The following QTMAN variants were observed in gnomAD, a reference collection of about 807,000 sequenced individuals.
QTMAN encodes queuosine-tRNA mannosyltransferase, also known as tRNA-queuosine alpha-mannosyltransferase.
the QTMAN span, among the ~76,000 whole-genome samples, chr2:144,089,530 C>T: frequency 5.2e-3 from 786 of 151,848 alleles, 2 homozygotes; most frequent in Admixed American, 9.0e-3. Flanking sequence ...GGCAAAGATA[C>T]GGAGTCAACT....
chr2:144,204,307 AC>A, the QTMAN span, among the ~76,000 whole-genome samples: 1 of 152,216 alleles, frequency 6.6e-6, no homozygotes, highest in Non-Finnish European at 1.5e-5. Flanking sequence ...CAAGAAAAAA[AC>A]AACCCCATCA....
the QTMAN span, among the ~76,000 whole-genome samples, chr2:144,092,112 T>C: frequency 6.6e-6 from 1 of 152,152 alleles, no homozygotes. Context: ...GATATGTTCA[T>C]TATCTTGTCT....
the QTMAN span, among the ~76,000 whole-genome samples, chr2:144,103,386 A>G: frequency 6.6e-6 from 1 of 152,246 alleles, no homozygotes; most frequent in East Asian, 1.9e-4. Flanking sequence ...CATTCATGCA[A>G]CAAATAATTC....
chr2:144,267,113 T>C, the QTMAN span, among the ~76,000 whole-genome samples: 2 of 152,190 alleles, frequency 1.3e-5, no homozygotes, highest in African/African-American at 2.4e-5. Context: ...TATTCTAAGA[T>C]GAAAGTGCAG....
chr2:144,253,665 C>T, the QTMAN span, among the ~76,000 whole-genome samples: 1 of 151,620 alleles, frequency 6.6e-6, no homozygotes, highest in South Asian at 2.1e-4. Context: ...GTGAGATGAT[C>T]TGGGTATCTG....
chr2:144,237,763 G>A, the QTMAN span, among the ~76,000 whole-genome samples: 2 of 152,004 alleles, frequency 1.3e-5, no homozygotes, highest in South Asian at 2.1e-4. Flanking sequence ...CTCATACCAG[G>A]GTTGGTCTGA....
the QTMAN span, among the ~76,000 whole-genome samples, chr2:144,271,964 GT>G: frequency 6.6e-6 from 1 of 152,046 alleles, no homozygotes; most frequent in Non-Finnish European, 1.5e-5. Flanking sequence ...TTTCCCAAAG[GT>G]AACCACTTTG....
chr2:143,979,042 C>A, the QTMAN span, among the ~76,000 whole-genome samples: 1 of 152,050 alleles, frequency 6.6e-6, no homozygotes, highest in African/African-American at 2.4e-5. Context: ...ATGTATAATT[C>A]TTATTTCCTG....
the QTMAN span, among the ~76,000 whole-genome samples, chr2:144,115,200 CAGCCTGGGTGACAG>C: frequency 6.6e-6 from 1 of 152,006 alleles, no homozygotes; most frequent in South Asian, 2.1e-4. Context: ...CACGGAACTC[CAGCCTGGGTGACAG>C]AGCGAGACCC....
chr2:144,161,509 T>C, the QTMAN span, among the ~76,000 whole-genome samples: 1 of 152,152 alleles, frequency 6.6e-6, no homozygotes, highest in Non-Finnish European at 1.5e-5. Context: ...ATGTTACTGA[T>C]AGGACCAGTT....
the QTMAN span, among the ~76,000 whole-genome samples, chr2:144,113,118 A>C: frequency 1.3e-5 from 2 of 152,224 alleles, no homozygotes; most frequent in African/African-American, 2.4e-5. Context: ...TAGAAAAGGC[A>C]ATCGACAGAT....
the QTMAN span, among the ~76,000 whole-genome samples, chr2:144,019,446 G>A: frequency 8.3e-6 from 1 of 120,806 alleles, no homozygotes; most frequent in East Asian, 3.2e-4. Flanking sequence ...GTGTGTGTGT[G>A]TGTGTGTGTG....
At chr2:143,960,935 A>C in the QTMAN span, among the ~76,000 whole-genome samples, 21 of 152,252 alleles carry the variant, frequency 1.4e-4, no homozygotes, top group African/African-American at 4.8e-4. Flanking sequence ...GGGAATTTTA[A>C]GTCTGCATTT....
the QTMAN span, among the ~76,000 whole-genome samples, chr2:144,324,616 T>A: frequency 6.6e-6 from 1 of 152,136 alleles, no homozygotes; most frequent in African/African-American, 2.4e-5. Context: ...CCTCAGGCAA[T>A]GACCTAGGAA....
chr2:144,051,063 T>C, the QTMAN span, among the ~76,000 whole-genome samples: 1 of 152,216 alleles, frequency 6.6e-6, no homozygotes. Context: ...CAATGATAGT[T>C]GTATCATTAT....
chr2:144,182,821 T>TC, the QTMAN span, among the ~76,000 whole-genome samples: 1 of 67,824 alleles, frequency 1.5e-5, no homozygotes, highest in Non-Finnish European at 2.6e-5. Flanking sequence ...ATATATATTA[T>TC]ATATATAATA....
the QTMAN span, chr2:144,332,637 C>G: frequency 1.3e-5 from 2 of 151,356 alleles, no homozygotes; most frequent in African/African-American, 4.8e-5. Context: ...CTCCGCCTCT[C>G]TGCGCCGCCC....
At chr2:144,285,292 CTTAATT>C in the QTMAN span, among the ~76,000 whole-genome samples, 1 of 152,092 alleles carries the variant, frequency 6.6e-6, no homozygotes, top group African/African-American at 2.4e-5. Flanking sequence ...AAAAAAGTTT[CTTAATT>C]TTATCATTCT....
the QTMAN span, among the ~76,000 whole-genome samples, chr2:144,186,495 C>A: frequency 6.6e-6 from 1 of 152,142 alleles, no homozygotes; most frequent in Non-Finnish European, 1.5e-5. Flanking sequence ...TAAGACAAAA[C>A]TAATACATAG....
Sources: gnomAD v4.1 joint callset for allele counts (sites outside exome capture counted in the v4.1 genomes callset) on GRCh38, gnomAD v4.1.1 for gene constraint, MANE v1.5 for transcripts, NCBI Gene and HGNC (gene_info 2026-07-23, HGNC 2026-07-21) for gene names.